FBRSL1: variants seen among roughly 807,000 people sequenced by gnomAD.
FBRSL1 encodes fibrosin-1-like protein.
In FBRSL1, 51 loss-of-function variants were observed where a neutral mutation model predicts 89.6. The ratio of observed to expected loss-of-function variants is 0.57; its 90% CI spans 0.45 to 0.72. FBRSL1 has a LOEUF of 0.72. Ranked by LOEUF, FBRSL1 falls within the 30% of genes least tolerant of loss-of-function variation. FBRSL1 has a pLI of 0.00. For synonymous variants in FBRSL1, 779 were observed against 681.1 expected (o/e 1.14, Z -2.24); for missense variants, 1,618 against 1,451.8 (o/e 1.11, Z -1.86).
rs1258401590 is a variant in FBRSL1, at chr12:132,546,772, T to C, written c.616-1231T>C. Among the ~76,000 whole-genome samples, 1 of 152,182 alleles carries C rather than the reference T, an allele frequency of 6.6e-6. No individual in the cohort carries two copies. Among genetic ancestry groups the C allele is most frequent in the Non-Finnish European group, 1.5e-5 (1 of 67,992 alleles). ...GGGGTCCCAGCTGGGGTCCCACTTG[T>C]AGGAGCCACCTGGAGTGTGACTCGT... On this transcript the variant is annotated intron_variant, in intron 4 of 18. Transcript: ENST00000680143. This position sits in a 1 kb window ranked among gnomAD's most constrained non-coding sequence, Gnocchi z 4.0.
At chr12:132,582,037 C>T (rs1277419508) in intron 17 of FBRSL1, 25 bp from the exon 18 acceptor site, 5 of 1,526,972 alleles carry the variant, frequency 3.3e-6, no homozygotes, top group Non-Finnish European at 4.4e-6. Context: ...GACCCAACCT[C>T]ATGCTCCCCG....
At position 132,546,990 on chromosome 12, in the gene FBRSL1, C is replaced by G. The variant is rs894487157; in HGVS notation, c.616-1013C>G. Among the ~76,000 whole-genome samples the G allele has an allele frequency of 2.6e-5, 4 of 152,264 alleles. No individual in the cohort carries two copies. The highest frequency in any genetic ancestry group is 5.9e-5 in the Non-Finnish European group (4 of 68,050). On this transcript the variant is annotated intron_variant, in intron 4 of 18. Coordinates refer to ENST00000680143, the MANE Select transcript of FBRSL1 (RefSeq NM_001367871.1). The surrounding 1 kb of genome is among the most constrained non-coding windows in gnomAD (Gnocchi z 4.0). ...CGCCCACACATCCGGCTGGCACTCACCACCCTCCGTGCACTGGGGGGTTTA... is the reference window on the plus strand; with the variant it reads ...CGCCCACACATCCGGCTGGCACTCAGCACCCTCCGTGCACTGGGGGGTTTA...
At chr12:132,550,250 T>C (rs1329070096) in intron 5 of FBRSL1, among the ~76,000 whole-genome samples, 1 of 152,128 alleles carries the variant, frequency 6.6e-6, no homozygotes, top group Non-Finnish European at 1.5e-5. Flanking sequence ...GGAGAGGGGC[T>C]GCCAGCCTTT....
chr12:132,577,589 C>T (rs1490620267), intron 15 of FBRSL1, among the ~76,000 whole-genome samples: 1 of 151,980 alleles, frequency 6.6e-6, no homozygotes, highest in Non-Finnish European at 1.5e-5. Context: ...CCGGGAGCAG[C>T]GAGGGCCTCC....
intron 4 of FBRSL1, among the ~76,000 whole-genome samples, chr12:132,536,604 C>T (rs763371708): frequency 2.0e-4 from 29 of 144,318 alleles, no homozygotes; most frequent in Non-Finnish European, 3.0e-4. Context: ...GTGTACATGA[C>T]GGTGTGTGTG....
chr12:132,582,465 TCA>T (rs1305827637), intron 18 of FBRSL1, among the ~76,000 whole-genome samples, 199 bp downstream of exon 18: 7 of 128,626 alleles, frequency 5.4e-5, no homozygotes, highest in Non-Finnish European at 9.5e-5. Flanking sequence ...TGCTGCGCAC[TCA>T]CAGTCTGTCC....
At chr12:132,514,121 G>C (rs973470785) in intron 2 of FBRSL1, among the ~76,000 whole-genome samples, 2 of 152,254 alleles carry the variant, frequency 1.3e-5, no homozygotes, top group Non-Finnish European at 2.9e-5. Flanking sequence ...CTCCGCCTCT[G>C]TTCTCGCGTC....
rs61952074 is a variant in FBRSL1, at chr12:132,507,491, C to T, written c.292-662C>T. The T allele has an allele frequency of 1.9e-5, 18 of 927,402 alleles. No homozygotes were observed. The African/African-American group carries it at 2.1e-4, about 11-fold the overall frequency. 57.4% of individuals were successfully genotyped at this position (927,402 alleles called of 1,614,324 possible). The stretch of plus-strand genomic sequence containing the variant: ...GAGGCTGGAGTGTCCTGGGGCTGTC[C>T]GCAGGCTAGAAGGTGCTCTGAAGGA... On this transcript the variant is annotated intron_variant, in intron 1 of 18. Coordinates refer to ENST00000680143, the MANE Select transcript of FBRSL1 (RefSeq NM_001367871.1).
At chr12:132,553,421 C>T (rs2038359016) in intron 5 of FBRSL1, 1 of 152,250 alleles carries the variant, frequency 6.6e-6, no homozygotes, top group African/African-American at 2.4e-5. Flanking sequence ...GGCCATCTCG[C>T]TCCTTGTGTG....
rs922410073 is a variant in FBRSL1 at position 132,512,661 on chromosome 12, G to A, written c.489+4311G>A. ...GGCTCCTGTGAGTACAGAGGGGGCC[G>A]AGTGAGTAGAGCCATGTCTGGGGCA... On this transcript the variant is annotated intron_variant, in intron 2 of 18. Transcript: ENST00000680143. 1.8e-4 allele frequency among the ~76,000 whole-genome samples: 28 copies of A among 152,352 alleles called. No homozygotes were observed. In the East Asian group the frequency reaches 2.7e-3, roughly 15 times the overall value.
chr12:132,494,658 G>C (rs2031688894), intron 1 of FBRSL1, among the ~76,000 whole-genome samples: 1 of 152,238 alleles, frequency 6.6e-6, no homozygotes, highest in Non-Finnish European at 1.5e-5. Flanking sequence ...TGGTTAATTT[G>C]CATTTTTCAA....
In FBRSL1 at chr12:132,533,750, C is replaced by G. The variant is rs532675260; in HGVS notation, c.615+5762C>G. Among the ~76,000 whole-genome samples, 578 of 152,376 alleles carry G rather than the reference C, an allele frequency of 3.8e-3. 7 individuals are homozygous for G. Among genetic ancestry groups the G allele is most frequent in the African/African-American group, 0.013 (520 of 41,580 alleles). ...CAGCACAGCCTGACTCTGGGCTGGG[C>G]TCCATGCCAGGCACTGGGTTGTGAG... On this transcript the variant is annotated intron_variant, in intron 4 of 18. Transcript: ENST00000680143.
chr12:132,551,711 C>T, intron 5 of FBRSL1: 1 of 392,976 alleles, frequency 2.5e-6, no homozygotes, highest in Non-Finnish European at 5.3e-6. Flanking sequence ...TCACACTGTG[C>T]CCGCCCAGCC....
At chr12:132,558,052 G>A (rs926762823) in intron 5 of FBRSL1, among the ~76,000 whole-genome samples, 1 of 129,962 alleles carries the variant, frequency 7.7e-6, no homozygotes, top group Non-Finnish European at 1.6e-5. Context: ...TTCCCTCTCT[G>A]TGGGCCTCAC....
chr12:132,508,054 G>C (rs2033897523), intron 1 of FBRSL1, 99 bp from the exon 2 acceptor site: 3 of 1,217,788 alleles, frequency 2.5e-6, no homozygotes, highest in African/African-American at 3.1e-5. Flanking sequence ...CCTCCCAAGT[G>C]GGGAGGCTCC....
chr12:132,574,803 C>T (rs902131629), intron 14 of FBRSL1, among the ~76,000 whole-genome samples: 12 of 152,102 alleles, frequency 7.9e-5, no homozygotes, highest in Admixed American at 6.5e-5. Flanking sequence ...CAAGGTGTGC[C>T]GGCTGGGCCA....
rs772351683 is a variant in FBRSL1, at chr12:132,525,855, C to T, written c.579+32C>T. On this transcript the variant is annotated intron_variant, in intron 3 of 18. Transcript: ENST00000680143. ...ACCCAGCTGCCCGCGCCCGGAGGCT[C>T]CGAGTCTGGGCCGCCTGCCCGCTGC... The T allele has an allele frequency of 1.6e-4, 238 of 1,517,556 alleles. 2 individuals are homozygous for T. The Middle Eastern group carries it at 2.6e-3, about 17-fold the overall frequency. The allele number at this position is 1,517,556 out of a possible 1,614,324, so 94.0% of individuals were successfully genotyped here. A position where few individuals can be genotyped will look rare whatever the true frequency, so the allele number is the denominator to read the frequency against.
intron 5 of FBRSL1, among the ~76,000 whole-genome samples, chr12:132,562,156 G>C (rs2039182254): frequency 6.6e-6 from 1 of 152,216 alleles, no homozygotes; most frequent in Non-Finnish European, 1.5e-5. Flanking sequence ...TGGCTGGACG[G>C]GGCAGGGAGG....
intron 4 of FBRSL1, among the ~76,000 whole-genome samples, chr12:132,537,114 G>C (rs554486485): frequency 2.6e-4 from 40 of 152,340 alleles, no homozygotes; most frequent in African/African-American, 9.4e-4. Context: ...AGGGGCCCCA[G>C]GTGGCCACGC....
Sources: allele counts gnomAD v4.1 joint callset (sites outside exome capture counted in the v4.1 genomes callset), GRCh38; gene constraint gnomAD v4.1.1; non-coding constraint Gnocchi (gnomAD v3.1); transcripts MANE v1.5; gene names NCBI Gene and HGNC (gene_info 2026-07-23, HGNC 2026-07-21).